EXD3: variants seen among roughly 807,000 people sequenced by gnomAD.
EXD3 encodes the protein exonuclease 3'-5' domain containing 3.
A neutral mutation model predicts 98.0 loss-of-function variants in EXD3; 92 were observed. That is an observed-to-expected ratio of 0.94 (90% CI 0.79 to 1.12). The LOEUF is 1.12. Among genes scored for constraint, EXD3 ranks in the 50% most tolerant of loss-of-function variants. EXD3 has a pLI of 0.00. For missense variants in EXD3, 1,222 were observed against 1,191.6 expected (o/e 1.03, Z -0.38); for synonymous variants, 569 against 526.0 (o/e 1.08, Z -1.12).
chr9:137,408,882 C>T (rs923411501), intron 1 of EXD3, among the ~76,000 whole-genome samples: 4 of 152,224 alleles, frequency 2.6e-5, no homozygotes, highest in African/African-American at 9.6e-5. Context: ...CAGCCCCTCT[C>T]CACAAGTCTG....
intron 7 of EXD3, 30 bp downstream of exon 7, chr9:137,366,463 T>C (rs1588358452): frequency 1.3e-6 from 2 of 1,535,176 alleles, no homozygotes; most frequent in Non-Finnish European, 8.8e-7. Context: ...TGCCATCTGG[T>C]GCCAGCTGCC....
In EXD3 at chr9:137,324,107, C is replaced by T. The variant is rs983889679; in HGVS notation, c.2035G>A (p.Gly679Arg). The T allele has an allele frequency of 6.3e-7, 1 of 1,588,532 alleles. No individual in the cohort carries two copies. Among genetic ancestry groups the T allele is most frequent in the Middle Eastern group, 1.7e-4 (1 of 6,038 alleles). The change falls in exon 18 of 22, where the codon GGG (glycine) becomes AGG (arginine). Residue 679 changes from glycine (G) to arginine (R), a missense_variant. Gly to Arg is a moderately radical substitution (Grantham distance 125, BLOSUM62 -2). Transcript: ENST00000340951. This position sits in a 1 kb window ranked among gnomAD's most constrained non-coding sequence, Gnocchi z 4.1. Reference protein sequence around the residue: ...RQEGRIILTSGQPFHKLRAQV... With the variant: ...RQEGRIILTSRQPFHKLRAQV... The stretch of plus-strand genomic sequence containing the variant: ...ACACTCACCTTGTGGAATGGCTGCC[C>T]CGACGTCAGAATGATCCTCCCCTCC...
intron 10 of EXD3, chr9:137,353,972 G>GC (rs925158436): frequency 3.7e-5 from 40 of 1,082,582 alleles, no homozygotes; most frequent in Non-Finnish European, 4.3e-5. Context: ...CTGGCACCGG[G>GC]CTGGGGGGGC....
At chr9:137,391,853 T>C (rs1046844627) in intron 2 of EXD3, 4 of 152,256 alleles carry the variant, frequency 2.6e-5, no homozygotes, top group African/African-American at 9.7e-5. Flanking sequence ...TCTCGCTCTG[T>C]TCCCCAGGCT....
chr9:137,354,873 C>T, intron 8 of EXD3, 100 bp from the exon 9 acceptor site: 2 of 1,155,222 alleles, frequency 1.7e-6, no homozygotes, highest in Non-Finnish European at 2.4e-6. Context: ...TGCGCCTGCC[C>T]CTTCACCGTC....
At chr9:137,332,618 C>A (rs984595601) in intron 17 of EXD3, among the ~76,000 whole-genome samples, 2 of 150,436 alleles carry the variant, frequency 1.3e-5, no homozygotes, top group Non-Finnish European at 3.0e-5. Context: ...CCAAGGCGGG[C>A]AGATCACAAG....
intron 2 of EXD3, among the ~76,000 whole-genome samples, chr9:137,394,771 T>C (rs1837123364): frequency 6.6e-6 from 1 of 152,170 alleles, no homozygotes; most frequent in Admixed American, 6.5e-5. Flanking sequence ...TTTTTTAACC[T>C]GAAAAAGCTG....
chr9:137,344,815 T>C (rs1427741224), intron 17 of EXD3, among the ~76,000 whole-genome samples: 1 of 142,974 alleles, frequency 7.0e-6, no homozygotes, highest in Non-Finnish European at 1.5e-5. Context: ...GTCCAGGTCT[T>C]CTGCTCACAT....
intron 1 of EXD3, among the ~76,000 whole-genome samples, chr9:137,420,309 G>A (rs548150593): frequency 1.7e-4 from 26 of 152,000 alleles, no homozygotes; most frequent in Non-Finnish European, 2.4e-4. Flanking sequence ...TTCTTTTTGA[G>A]CTATTTATAG....
At chr9:137,316,296 C>T (rs1218268232) in intron 19 of EXD3, among the ~76,000 whole-genome samples, 1 of 152,056 alleles carries the variant, frequency 6.6e-6, no homozygotes, top group Admixed American at 6.5e-5. Context: ...AAGCTAACGG[C>T]CGCCCGCCCG....
At chr9:137,348,028 G>A in intron 17 of EXD3, 43 bp downstream of exon 17, 1 of 1,582,764 alleles carries the variant, frequency 6.3e-7, no homozygotes, top group South Asian at 1.2e-5. Context: ...GCTAGGGGCA[G>A]CTGCACCTTG....
Position 137,356,324 on chromosome 9 carries a change from G to T in EXD3, c.701C>A (p.Pro234Gln). ...CAAGACCTGCCTGCTCAGCGCCTTC[G>T]GACTCAGCTTCTCCAGGCTCAAGGA... Reference protein sequence around the residue: ...VTSLSLEKLSPKALSRQVLRL... With the variant: ...VTSLSLEKLSQKALSRQVLRL... The change falls in exon 8 of 22, where the codon CCG (proline) becomes CAG (glutamine). Residue 234 changes from proline (P) to glutamine (Q), a missense_variant. Physicochemically the swap from Pro to Gln is moderately conservative, Grantham distance 76. Transcript: ENST00000340951. The T allele has an allele frequency of 6.2e-7, 1 of 1,604,842 alleles. No individual in the cohort carries two copies. The highest frequency in any genetic ancestry group is 8.5e-7 in the Non-Finnish European group (1 of 1,176,166).
chr9:137,324,878 G>C lies in EXD3; in HGVS notation c.1999-735C>G, dbSNP rs1204397177. The stretch of plus-strand genomic sequence containing the variant: ...TGGCTAATTTTTTGTATTTTTAGTA[G>C]AGACGGGGTTTCACCGTGTTAGCCA... On this transcript the variant is annotated intron_variant, in intron 17 of 21. Transcript: ENST00000340951. The surrounding 1 kb of genome is among the most constrained non-coding windows in gnomAD (Gnocchi z 4.1). Among the ~76,000 whole-genome samples the C allele has an allele frequency of 2.0e-5, 3 of 151,968 alleles. No individual in the cohort carries two copies. The highest frequency in any genetic ancestry group is 1.3e-4 in the Admixed American group (2 of 15,246).
chr9:137,349,333 T>G lies in EXD3; in HGVS notation c.1657+36A>C. On this transcript the variant is annotated intron_variant, in intron 15 of 21. Transcript: ENST00000340951. This position sits in a 1 kb window ranked among gnomAD's most constrained non-coding sequence, Gnocchi z 7.4. ...CCCGGGACAGAGGGCGGGAGGGGCGTGAGGAGGGGTCACTCCCACCCGCCG... is the reference window on the plus strand; with the variant it reads ...CCCGGGACAGAGGGCGGGAGGGGCGGGAGGAGGGGTCACTCCCACCCGCCG... 1.9e-6 allele frequency: 3 copies of G among 1,551,462 alleles called. No individual in the cohort carries two copies. Among genetic ancestry groups the G allele is most frequent in the South Asian group, 1.2e-5 (1 of 85,586 alleles).
chr9:137,367,220 T>C (rs1463821340), intron 6 of EXD3, among the ~76,000 whole-genome samples: 1 of 152,170 alleles, frequency 6.6e-6, no homozygotes, highest in African/African-American at 2.4e-5. Context: ...TGCCCAGCAG[T>C]GCCTTGGGGG....
chr9:137,382,273 C>T (rs1836352112), intron 3 of EXD3, among the ~76,000 whole-genome samples: 1 of 150,186 alleles, frequency 6.7e-6, no homozygotes, highest in Non-Finnish European at 1.5e-5. Context: ...GAGCCCGGAG[C>T]AGATCTCAGC....
In EXD3 at chr9:137,371,933, A is replaced by G. The variant is rs1363662200; in HGVS notation, c.462+972T>C. Among the ~76,000 whole-genome samples the G allele has an allele frequency of 6.6e-6, 1 of 151,980 alleles. No homozygotes were observed. The highest frequency in any genetic ancestry group is 1.5e-5 in the Non-Finnish European group (1 of 67,996). ...AGACGGCCGCCTCCCTACCCACTGCAGGCCCCACTGCTCCCTACTGTTCCA... is the reference window on the plus strand; with the variant it reads ...AGACGGCCGCCTCCCTACCCACTGCGGGCCCCACTGCTCCCTACTGTTCCA... On this transcript the variant is annotated intron_variant, in intron 5 of 21. Coordinates refer to ENST00000340951, the MANE Select transcript of EXD3 (RefSeq NM_017820.5). This position sits in a 1 kb window ranked among gnomAD's most constrained non-coding sequence, Gnocchi z 8.0.
In EXD3 at chr9:137,416,914, C is replaced by T. The variant is rs984144116; in HGVS notation, c.-48+6200G>A. ...GGCTCGGGACTGATGACGGTGCGGC[C>T]GTCAGGAGGCCAGGAAGCCCCGACA... On this transcript the variant is annotated intron_variant, in intron 1 of 21. Transcript: ENST00000340951. Among the ~76,000 whole-genome samples, 8 of 152,194 alleles carry T rather than the reference C, an allele frequency of 5.3e-5. No homozygotes were observed. In the East Asian group the frequency reaches 1.5e-3, roughly 29 times the overall value.
Position 137,373,553 on chromosome 9 carries a change from A to AG in EXD3, c.166dup (p.Leu56ProfsTer61). 5 of 1,603,810 alleles carry AG rather than the reference A, an allele frequency of 3.1e-6. No individual in the cohort carries two copies. In the Middle Eastern group the frequency reaches 5.0e-4, roughly 159 times the overall value. ...CTCCAGCATGTCCAGAAGCCCGGCC[A>AG]GGGGGTCGTCCAAGGCAGCAAACCC... On this transcript the variant is annotated frameshift_variant, in exon 4 of 22. Coordinates refer to ENST00000340951, the MANE Select transcript of EXD3 (RefSeq NM_017820.5). LOFTEE classifies it high-confidence loss of function.
Sources: gnomAD v4.1 joint callset for allele counts (sites outside exome capture counted in the v4.1 genomes callset) on GRCh38, gnomAD v4.1.1 for gene constraint, Gnocchi (gnomAD v3.1) non-coding constraint, MANE v1.5 for transcripts, NCBI Gene and HGNC (gene_info 2026-07-23, HGNC 2026-07-21) for gene names.